TAMM41: variants seen among roughly 807,000 people sequenced by gnomAD.
TAMM41 encodes TAM41 mitochondrial translocator assembly and maintenance homolog.
In TAMM41, 36 loss-of-function variants were observed where a neutral mutation model predicts 44.1. That is an observed-to-expected ratio of 0.82 (90% CI 0.63 to 1.08). The LOEUF (loss-of-function observed/expected upper bound fraction) is 1.08, where lower values mean the gene tolerates loss of function less well. Ranked by LOEUF, TAMM41 falls within the 50% of genes least tolerant of loss-of-function variation. The pLI, the probability that TAMM41 is intolerant of heterozygous loss-of-function variation, is 0.00. For missense variants in TAMM41, 417 were observed against 404.3 expected, an observed-to-expected ratio of 1.03 and a Z score of -0.27; for synonymous variants, 164 against 153.1, an observed-to-expected ratio of 1.07 and a Z score of -0.53.
At chr3:11,837,312 A>AT (rs1207090970) in intron 3 of TAMM41, among the ~76,000 whole-genome samples, 1 of 152,074 alleles carries the variant, frequency 6.6e-6, no homozygotes, top group East Asian at 1.9e-4. Flanking sequence ...AATCTTCCTT[A>AT]TAGTAGGAAG....
chr3:11,839,321 GA>G lies in TAMM41; in HGVS notation c.319-8del. On this transcript the variant is annotated splice_polypyrimidine_tract_variant and splice_region_variant and intron_variant, in intron 2 of 7. Coordinates refer to ENST00000455809, the MANE Select transcript of TAMM41 (RefSeq NM_001284401.2). ...TAACTCCATATTTGATAAGCTGAAG[GA>G]AAAAAGAAATGGCACAAAACGGAGT... The G allele has an allele frequency of 2.5e-6, 4 of 1,583,664 alleles. No homozygotes were observed. Among genetic ancestry groups the G allele is most frequent in the Non-Finnish European group, 3.5e-6 (4 of 1,155,868 alleles).
In TAMM41 at chr3:11,809,585, T is replaced by C; in HGVS notation, c.806A>G (p.Asn269Ser). 6.2e-7 allele frequency: 1 copy of C among 1,614,106 alleles called. No homozygotes were observed. The highest frequency in any genetic ancestry group is 8.5e-7 in the Non-Finnish European group (1 of 1,180,020). Reference protein sequence around the residue: ...INHIMDPPGKNRDVEETLFQV... With the variant: ...INHIMDPPGKSRDVEETLFQV... ...GAATAAAGTTTCTTCCACATCTCTGTTTTTTCCAGGAGGGTCCATAATATG... is the reference window on the plus strand; with the variant it reads ...GAATAAAGTTTCTTCCACATCTCTGCTTTTTCCAGGAGGGTCCATAATATG... Residue 269 changes from asparagine (N) to serine (S), a missense_variant, in exon 6 of 8, where the codon AAC becomes AGC. By Grantham distance (46) the Asn-to-Ser change is conservative (BLOSUM62 1). Coordinates refer to ENST00000455809, the MANE Select transcript of TAMM41 (RefSeq NM_001284401.2).
At position 11,807,388 on chromosome 3, in the gene TAMM41, C is replaced by T. The variant is rs187126459; in HGVS notation, c.937+445G>A. ...CAATAGATGATACCTAAAGTTGAAA[C>T]GTAGAGAAGGAGCAACGAAAACTTA... On this transcript the variant is annotated intron_variant, in intron 7 of 7. Coordinates refer to ENST00000455809, the MANE Select transcript of TAMM41 (RefSeq NM_001284401.2). 42 of 1,513,740 alleles carry T rather than the reference C, an allele frequency of 2.8e-5. No homozygotes were observed. In the East Asian group the frequency reaches 3.7e-4, roughly 13 times the overall value. 93.8% of individuals were successfully genotyped at this position (1,513,740 alleles called of 1,614,324 possible). A position where few individuals can be genotyped will look rare whatever the true frequency, so the allele number is the denominator to read the frequency against.
chr3:11,813,305 A>G (rs1409485001), intron 5 of TAMM41, among the ~76,000 whole-genome samples: 1 of 152,060 alleles, frequency 6.6e-6, no homozygotes, highest in Non-Finnish European at 1.5e-5. Flanking sequence ...TGAAGCGGGC[A>G]GATTACTTGA....
chr3:11,835,909 G>A (rs1038487351), intron 3 of TAMM41, among the ~76,000 whole-genome samples: 5 of 152,012 alleles, frequency 3.3e-5, no homozygotes, highest in Non-Finnish European at 7.4e-5. Context: ...ATCAGAGCTG[G>A]GATTCTAACC....
chr3:11,784,161 T>A, the TAMM41 span, among the ~76,000 whole-genome samples: 1 of 152,206 alleles, frequency 6.6e-6, no homozygotes, highest in Middle Eastern at 3.4e-3. Context: ...GAACACAGAA[T>A]GAGTAAAGGG....
chr3:11,824,831 AATAAG>A (rs1243370345), intron 4 of TAMM41, among the ~76,000 whole-genome samples: 1 of 152,198 alleles, frequency 6.6e-6, no homozygotes, highest in Non-Finnish European at 1.5e-5. Context: ...GCCAACCAAC[AATAAG>A]ATACAGTGTA....
chr3:11,839,576 T>C (rs2079343095), intron 2 of TAMM41, among the ~76,000 whole-genome samples: 1 of 152,244 alleles, frequency 6.6e-6, no homozygotes, highest in South Asian at 2.1e-4. Context: ...AAGTCTAGCA[T>C]GGCTGACTCC....
chr3:11,787,735 T>C (rs573339725), downstream of TAMM41, among the ~76,000 whole-genome samples: 1 of 152,284 alleles, frequency 6.6e-6, no homozygotes, highest in South Asian at 2.1e-4. Context: ...ACCTACATCA[T>C]AGATATAGAA....
At chr3:11,823,822 T>C (rs898775892) in intron 4 of TAMM41, among the ~76,000 whole-genome samples, 6 of 114,478 alleles carry the variant, frequency 5.2e-5, no homozygotes, top group Non-Finnish European at 1.0e-4. Context: ...TGTACCACCA[T>C]GCCCGGCTTT....
chr3:11,819,339 G>C (rs1179230807), intron 4 of TAMM41, among the ~76,000 whole-genome samples: 3 of 152,202 alleles, frequency 2.0e-5, no homozygotes, highest in Non-Finnish European at 2.9e-5. Flanking sequence ...CTCTCAGGTA[G>C]ATAGGATTCT....
chr3:11,824,354 C>CCTTCCTTTTGTATACAT, intron 4 of TAMM41, among the ~76,000 whole-genome samples: 1 of 130,410 alleles, frequency 7.7e-6, no homozygotes, highest in South Asian at 2.5e-4. Context: ...CCATGCCTGG[C>CCTTCCTTTTGTATACAT]TAATTTTTTT....
At chr3:11,748,793 G>A in the TAMM41 span, among the ~76,000 whole-genome samples, 1 of 152,136 alleles carries the variant, frequency 6.6e-6, no homozygotes, top group African/African-American at 2.4e-5. Flanking sequence ...TCATGTGGAT[G>A]GTGTGGTGGA....
intron 4 of TAMM41, among the ~76,000 whole-genome samples, chr3:11,824,135 G>GT (rs940071892): frequency 2.6e-5 from 4 of 151,804 alleles, no homozygotes; most frequent in South Asian, 2.1e-4. Flanking sequence ...CCTATCCATT[G>GT]TATTTTAAAA....
downstream of TAMM41, among the ~76,000 whole-genome samples, chr3:11,787,036 T>G (rs2077421837): frequency 6.6e-6 from 1 of 152,182 alleles, no homozygotes; most frequent in Non-Finnish European, 1.5e-5. Context: ...GTTAAAGGCT[T>G]GCTCACTCAC....
intron 4 of TAMM41, 69 bp from the exon 5 acceptor site, chr3:11,817,406 C>G: frequency 6.7e-7 from 1 of 1,496,170 alleles, no homozygotes; most frequent in South Asian, 1.3e-5. Context: ...GAACGACGCT[C>G]CCCACACTGA....
At chr3:11,770,579 G>A in the TAMM41 span, among the ~76,000 whole-genome samples, 2 of 152,202 alleles carry the variant, frequency 1.3e-5, no homozygotes, top group Non-Finnish European at 2.9e-5. Context: ...TGTCAACTCA[G>A]GGTAGTAACA....
chr3:11,801,549 C>T (rs1433217077), intron 7 of TAMM41, among the ~76,000 whole-genome samples: 2 of 152,076 alleles, frequency 1.3e-5, no homozygotes, highest in South Asian at 2.1e-4. Flanking sequence ...TGGTTTCAAA[C>T]TCCTAGGCTC....
At chr3:11,748,134 CAA>C in the TAMM41 span, among the ~76,000 whole-genome samples, 8,324 of 152,068 alleles carry the variant, frequency 0.055, 567 homozygotes, top group African/African-American at 0.16. Context: ...CTTAGCCTCC[CAA>C]AGTGTTGGGA....
Sources: gnomAD v4.1 joint callset for allele counts (sites outside exome capture counted in the v4.1 genomes callset) on GRCh38, gnomAD v4.1.1 for gene constraint, MANE v1.5 for transcripts, NCBI Gene and HGNC (gene_info 2026-07-23, HGNC 2026-07-21) for gene names.